CES4A: variants seen among roughly 807,000 people sequenced by gnomAD.
CES4A encodes the protein carboxylesterase 6.
A neutral mutation model predicts 65.4 loss-of-function variants in CES4A; 48 were observed. The observed-to-expected ratio is 0.73, with a 90% CI of 0.58 to 0.93. The LOEUF (loss-of-function observed/expected upper bound fraction) is 0.93, where lower values mean the gene tolerates loss of function less well. Ranked by LOEUF, CES4A falls within the 40% of genes least tolerant of loss-of-function variation. CES4A has a pLI of 0.00. For missense variants in CES4A, 685 were observed against 728.5 expected, an observed-to-expected ratio of 0.94 and a Z score of 0.69; for synonymous variants, 247 against 281.8, an observed-to-expected ratio of 0.88 and a Z score of 1.24.
At position 67,001,603 on chromosome 16, in the gene CES4A, G is replaced by GTA; in HGVS notation, c.690+143_690+144dup. On this transcript the variant is annotated intron_variant, in intron 5 of 13. Transcript: ENST00000648724. The surrounding 1 kb of genome is among the most constrained non-coding windows in gnomAD (Gnocchi z 4.1). ...AGAAATGCTCTCGCCCCTGCCAAGG[G>GTA]TACAGCCCCTCATAGCCAAGGATGT... The GTA allele has an allele frequency of 1.0e-6, 1 of 1,000,566 alleles. No individual in the cohort carries two copies. Among genetic ancestry groups the GTA allele is most frequent in the South Asian group, 1.7e-5 (1 of 57,312 alleles). The allele number at this position is 1,000,566 out of a possible 1,614,324, so 62.0% of individuals were successfully genotyped here.
chr16:66,990,262 A>G (rs1597041571), intron 1 of CES4A, among the ~76,000 whole-genome samples: 3 of 152,284 alleles, frequency 2.0e-5, no homozygotes, highest in Admixed American at 2.0e-4. Context: ...CATGCTGGCC[A>G]GGCAGGTCTC....
In CES4A at chr16:67,008,392, C is replaced by CT. The variant is rs569143559; in HGVS notation, c.1518-572dup. 2.1e-4 allele frequency: 32 copies of CT among 148,844 alleles called. 1 individual carries two copies. The highest frequency in any genetic ancestry group is 6.4e-4 in the South Asian group (3 of 4,696). 9.2% of individuals were successfully genotyped at this position (148,844 alleles called of 1,614,324 possible). On this transcript the variant is annotated intron_variant, in intron 13 of 13. Transcript: ENST00000648724. ...CACTTTGATCCCTTTCACACACTCT[C>CT]TTTTTTTTTTGTTTTTGTGTTTGTT... is the stretch of plus-strand genomic sequence containing the variant.
At chr16:67,004,917 G>C in intron 10 of CES4A, 44 bp downstream of exon 10, 1 of 1,457,858 alleles carries the variant, frequency 6.9e-7, no homozygotes, top group Admixed American at 2.0e-5. Flanking sequence ...GGACAGGGTT[G>C]ACCCCCCTGT....
Position 67,001,610 on chromosome 16 carries a change from C to T in CES4A, c.690+149C>T. 1.1e-6 allele frequency: 1 copy of T among 920,322 alleles called. No homozygotes were observed. Among genetic ancestry groups the T allele is most frequent in the Non-Finnish European group, 1.6e-6 (1 of 631,638 alleles). The allele number at this position is 920,322 out of a possible 1,614,324, so 57.0% of individuals were successfully genotyped here. On this transcript the variant is annotated intron_variant, in intron 5 of 13. Coordinates refer to ENST00000648724, the Ensembl canonical transcript of CES4A. This position sits in a 1 kb window ranked among gnomAD's most constrained non-coding sequence, Gnocchi z 4.1. ...CTCTCGCCCCTGCCAAGGGTACAGC[C>T]CCTCATAGCCAAGGATGTCTCCTCT...
At chr16:67,009,199 G>C (rs1015430374) in exon 14 of CES4A, 2 of 1,526,524 alleles carry the variant, frequency 1.3e-6, no homozygotes, top group African/African-American at 2.8e-5. Context: ...CCAGGCCCTG[G>C]GGAGACTAGC....
chr16:67,004,134 C>T (rs1264805584), exon 9 of CES4A: 19 of 1,614,038 alleles, frequency 1.2e-5, no homozygotes, highest in Non-Finnish European at 1.6e-5. Flanking sequence ...TCCCAGATGA[C>T]CCTTTGGTGC....
At chr16:66,998,057 G>A (rs920851598) in intron 2 of CES4A, among the ~76,000 whole-genome samples, 3 of 151,816 alleles carry the variant, frequency 2.0e-5, no homozygotes, top group Non-Finnish European at 2.9e-5. Flanking sequence ...GTGGAGGGGC[G>A]GTAAGGTGGC....
intron 1 of CES4A, among the ~76,000 whole-genome samples, chr16:66,990,949 G>A (rs1964339049): frequency 6.6e-6 from 1 of 152,066 alleles, no homozygotes; most frequent in African/African-American, 2.4e-5. Flanking sequence ...TATTTTCACA[G>A]GGGAGAGACC....
intron 2 of CES4A, among the ~76,000 whole-genome samples, chr16:66,998,359 G>A (rs984154196): frequency 6.6e-6 from 1 of 152,142 alleles, no homozygotes; most frequent in African/African-American, 2.4e-5. Context: ...GGAGGCTGAG[G>A]TGGGAGGATC....
Position 67,003,632 on chromosome 16 carries a change from T to C in CES4A, c.939+79T>C. On this transcript the variant is annotated intron_variant, in intron 8 of 13. Transcript: ENST00000648724. This position sits in a 1 kb window ranked among gnomAD's most constrained non-coding sequence, Gnocchi z 4.2. The stretch of plus-strand genomic sequence containing the variant: ...CAGGCACTTGGGATACTTAGGGAAT[T>C]GTTCAGGCCAAGATCCCTTCCCTAG... 8.5e-7 allele frequency: 1 copy of C among 1,178,238 alleles called. No homozygotes were observed. The highest frequency in any genetic ancestry group is 1.2e-5 in the South Asian group (1 of 82,316). 73.0% of individuals were successfully genotyped at this position (1,178,238 alleles called of 1,614,324 possible).
chr16:67,001,813 A>G lies in CES4A; in HGVS notation c.690+352A>G, dbSNP rs1194752400. Among the ~76,000 whole-genome samples, 1 of 152,242 alleles carries G rather than the reference A, an allele frequency of 6.6e-6. No individual in the cohort carries two copies. Among genetic ancestry groups the G allele is most frequent in the African/African-American group, 2.4e-5 (1 of 41,476 alleles). Reference sequence around the variant, plus strand: ...CTGGGCAAGGCTAGGACCTCACACCAGGCCTGCAAGCCAGGGGCATGAGTT... The same window carrying G: ...CTGGGCAAGGCTAGGACCTCACACCGGGCCTGCAAGCCAGGGGCATGAGTT... On this transcript the variant is annotated intron_variant, in intron 5 of 13. Transcript: ENST00000648724. This position sits in a 1 kb window ranked among gnomAD's most constrained non-coding sequence, Gnocchi z 4.1.
rs1966009258 is a variant in CES4A at position 67,009,286 on chromosome 16, A to C, written c.*144A>C. 1.6e-5 allele frequency: 12 copies of C among 766,426 alleles called. No individual in the cohort carries two copies. In the South Asian group the frequency reaches 2.3e-4, roughly 14 times the overall value. 47.5% of individuals were successfully genotyped at this position (766,426 alleles called of 1,614,324 possible). A position where few individuals can be genotyped will look rare whatever the true frequency, so the allele number is the denominator to read the frequency against. On this transcript the variant is annotated 3_prime_UTR_variant, in exon 14 of 14. Coordinates refer to ENST00000648724, the Ensembl canonical transcript of CES4A. ...GGAGCTCCCTGCTGCCTCCAGGCCA[A>C]AGCTAGAGCTTTTGCCTGTTGTGTG... is the stretch of plus-strand genomic sequence containing the variant.
In CES4A at chr16:66,995,714, C is replaced by T; in HGVS notation, c.145C>T (p.Gln49Ter). The change falls in exon 2 of 14, where the codon CAA becomes TAA. Residue 49 changes from glutamine to a stop codon, truncating the protein, a stop_gained. Transcript: ENST00000648724. LOFTEE classifies it high-confidence loss of function. ...GATGCATGTGGGGAAGACACCCATC[C>T]AAGTCTTTTTAGGAGTCCCCTTCTC... The T allele has an allele frequency of 6.2e-7, 1 of 1,614,232 alleles. No individual in the cohort carries two copies.
intron 2 of CES4A, among the ~76,000 whole-genome samples, chr16:66,998,685 G>A (rs1457037210): frequency 6.6e-6 from 1 of 152,092 alleles, no homozygotes; most frequent in Admixed American, 6.6e-5. Context: ...TGACCAACAT[G>A]GCGAAACCCC....
At chr16:66,993,804 C>G (rs1400364682) in intron 1 of CES4A, among the ~76,000 whole-genome samples, 1 of 152,056 alleles carries the variant, frequency 6.6e-6, no homozygotes. Context: ...ATGTTAACAA[C>G]AAGAACAGAG....
chr16:66,995,981 T>C, intron 2 of CES4A, 152 bp downstream of exon 2: 1 of 722,710 alleles, frequency 1.4e-6, no homozygotes, highest in African/African-American at 1.7e-5. Flanking sequence ...ACCCGTATCA[T>C]GAGCAAACTG....
At chr16:67,005,149 G>T (rs558484983) in intron 10 of CES4A, 91 bp from the exon 11 acceptor site, 7 of 1,363,384 alleles carry the variant, frequency 5.1e-6, no homozygotes, top group Non-Finnish European at 7.3e-6. Context: ...AAAAACTCCT[G>T]GGGGGCTGAG....
At chr16:67,004,353 T>A in intron 9 of CES4A, 129 bp downstream of exon 9, 1 of 1,000,604 alleles carries the variant, frequency 1.0e-6, no homozygotes, top group Non-Finnish European at 1.5e-6. Context: ...GTGGATGCCC[T>A]ATGTTTGGGA....
intron 13 of CES4A, chr16:67,007,178 C>T (rs1175633061): frequency 2.9e-5 from 7 of 243,110 alleles, no homozygotes; most frequent in South Asian, 1.5e-4. Context: ...CAATCTGGTA[C>T]GCTGAGAGCT....
Sources: gnomAD v4.1 joint callset for allele counts (sites outside exome capture counted in the v4.1 genomes callset) on GRCh38, gnomAD v4.1.1 for gene constraint, Gnocchi (gnomAD v3.1) non-coding constraint, MANE v1.5 for transcripts, NCBI Gene and HGNC (gene_info 2026-07-23, HGNC 2026-07-21) for gene names.